Variants in FYN observed in about 807,000 individuals in gnomAD.
FYN encodes FYN proto-oncogene, Src family tyrosine kinase, also known as tyrosine-protein kinase Fyn.
FYN carries 10 observed loss-of-function variants against 70.2 expected under a neutral mutation model. The ratio of observed to expected loss-of-function variants is 0.14; its 90% CI spans 0.09 to 0.24. The LOEUF (loss-of-function observed/expected upper bound fraction) is 0.24. Ranked by LOEUF, FYN falls within the 10% of genes least tolerant of loss-of-function variation. FYN has a pLI of 1.00. For missense variants in FYN, 319 were observed against 673.1 expected (o/e 0.47, Z 5.82); for synonymous variants, 236 against 248.6 (o/e 0.95, Z 0.48).
At chr6:111,791,260 A>G (rs937974705) in intron 2 of FYN, among the ~76,000 whole-genome samples, 23 of 152,360 alleles carry the variant, frequency 1.5e-4, no homozygotes, top group African/African-American at 5.3e-4. Context: ...CAGTCACCTA[A>G]CTTATGCAAA....
chr6:111,761,203 C>G (rs1043800309), intron 3 of FYN, among the ~76,000 whole-genome samples: 2 of 152,226 alleles, frequency 1.3e-5, no homozygotes, highest in Admixed American at 6.5e-5. Context: ...AGGCAGGGAG[C>G]CTTCACATTC....
intron 3 of FYN, among the ~76,000 whole-genome samples, chr6:111,734,435 T>TA (rs756167421): frequency 6.6e-6 from 1 of 152,228 alleles, no homozygotes; most frequent in Non-Finnish European, 1.5e-5. Context: ...CCCTATGGTT[T>TA]AAAGTACTCT....
At chr6:111,836,272 G>A (rs1051803238) in intron 2 of FYN, among the ~76,000 whole-genome samples, 7 of 152,110 alleles carry the variant, frequency 4.6e-5, no homozygotes, top group South Asian at 2.1e-4. Context: ...GCGATATGAC[G>A]GAAAATATGA....
intron 2 of FYN, among the ~76,000 whole-genome samples, chr6:111,826,857 A>G (rs1015870698): frequency 5.3e-5 from 8 of 152,220 alleles, no homozygotes; most frequent in Non-Finnish European, 8.8e-5. Context: ...AAACATTTGT[A>G]ATTAGAAGCT....
At chr6:111,819,349 C>T (rs185404762) in intron 2 of FYN, among the ~76,000 whole-genome samples, 20 of 152,284 alleles carry the variant, frequency 1.3e-4, no homozygotes, top group South Asian at 6.2e-4. Flanking sequence ...GGTATCAGTA[C>T]GGGCAGAATC....
chr6:111,792,519 T>A (rs939060391), intron 2 of FYN, among the ~76,000 whole-genome samples: 1 of 152,148 alleles, frequency 6.6e-6, no homozygotes, highest in African/African-American at 2.4e-5. Flanking sequence ...ACAAGAATGA[T>A]CCTACCAGTA....
chr6:111,789,331 C>G (rs886498241), intron 2 of FYN, among the ~76,000 whole-genome samples: 1 of 152,112 alleles, frequency 6.6e-6, no homozygotes, highest in Non-Finnish European at 1.5e-5. Context: ...CTCATTGGCA[C>G]ACATGGGTGG....
At chr6:111,742,333 A>G (rs1373452498) in intron 3 of FYN, among the ~76,000 whole-genome samples, 1 of 152,196 alleles carries the variant, frequency 6.6e-6, no homozygotes, top group Non-Finnish European at 1.5e-5. Context: ...CAGAGTGGCA[A>G]ATCAACATCT....
intron 3 of FYN, among the ~76,000 whole-genome samples, chr6:111,762,645 C>T (rs6926405): frequency 0.57 from 87,204 of 151,996 alleles, 26,542 homozygotes; most frequent in East Asian, 0.86. Context: ...ATATATTTCC[C>T]TGATGTATTT....
chr6:111,728,474 A>C (rs1330453362), intron 3 of FYN, among the ~76,000 whole-genome samples: 3 of 152,194 alleles, frequency 2.0e-5, no homozygotes, highest in African/African-American at 4.8e-5. Context: ...TCCAGAAAGA[A>C]ACCCATGCCC....
chr6:111,813,757 G>A (rs1187357640), intron 2 of FYN: 2 of 152,364 alleles, frequency 1.3e-5, no homozygotes, highest in African/African-American at 4.8e-5. Context: ...TCTTAGCAGT[G>A]CTAGAGGAAT....
intron 3 of FYN, among the ~76,000 whole-genome samples, chr6:111,722,685 C>T (rs192751340): frequency 4.6e-5 from 7 of 152,284 alleles, no homozygotes; most frequent in Non-Finnish European, 8.8e-5. Flanking sequence ...TGTCTGGAGA[C>T]ATTTTGGGTT....
intron 9 of FYN, chr6:111,699,748 T>C: frequency 7.2e-7 from 1 of 1,386,696 alleles, no homozygotes; most frequent in Non-Finnish European, 9.9e-7. Flanking sequence ...AGATGGAAGG[T>C]GACTTGCCCG....
chr6:111,836,154 C>A (rs1343043178), intron 2 of FYN, among the ~76,000 whole-genome samples: 1 of 152,154 alleles, frequency 6.6e-6, no homozygotes, highest in African/African-American at 2.4e-5. Flanking sequence ...GTCTCAGGGA[C>A]CTGGTTGTGA....
At position 111,748,820 on chromosome 6, in the gene FYN, T is replaced by C. The variant is rs78556168; in HGVS notation, c.-11-28758A>G. Among the ~76,000 whole-genome samples the C allele has an allele frequency of 9.0e-3, 1,377 of 152,354 alleles. 11 individuals are homozygous for C. The highest frequency in any genetic ancestry group is 0.014 in the Non-Finnish European group (922 of 68,028). On this transcript the variant is annotated intron_variant, in intron 3 of 13. Coordinates refer to ENST00000354650, the MANE Select transcript of FYN (RefSeq NM_002037.5). ...ATTAACATTACTTTCATGTGTTTCT[T>C]TTTGCTTTTTAAATGTGGCTACTCG... is the stretch of plus-strand genomic sequence containing the variant.
intron 2 of FYN, chr6:111,844,845 A>G (rs1040856964): frequency 6.6e-6 from 1 of 152,250 alleles, no homozygotes; most frequent in Non-Finnish European, 1.5e-5. Flanking sequence ...GTCAGAAAAC[A>G]AAAACAAAAA....
chr6:111,836,682 C>T (rs186598834), intron 2 of FYN, among the ~76,000 whole-genome samples: 17 of 152,162 alleles, frequency 1.1e-4, no homozygotes, highest in Non-Finnish European at 1.9e-4. Context: ...GTGGGAGGAT[C>T]GCCCAGGAGG....
At chr6:111,703,534 C>T (rs1799935732) in intron 7 of FYN, among the ~76,000 whole-genome samples, 2 of 152,168 alleles carry the variant, frequency 1.3e-5, no homozygotes, top group Admixed American at 1.3e-4. Context: ...AGCTAGAGGC[C>T]ACTACTCTTT....
intron 3 of FYN, among the ~76,000 whole-genome samples, chr6:111,739,105 A>G (rs1801832111): frequency 6.6e-6 from 1 of 152,214 alleles, no homozygotes; most frequent in South Asian, 2.1e-4. Flanking sequence ...ACCCCAGGGC[A>G]AAGTACCAAT....
Sources: gnomAD v4.1 joint callset for allele counts (sites outside exome capture counted in the v4.1 genomes callset) on GRCh38, gnomAD v4.1.1 for gene constraint, MANE v1.5 for transcripts, NCBI Gene and HGNC (gene_info 2026-07-23, HGNC 2026-07-21) for gene names.